Variants in CFAP92 observed in about 807,000 individuals in gnomAD.
CFAP92 encodes the protein cilia and flagella associated protein 92 (putative).
In CFAP92, 86 loss-of-function variants were observed where a neutral mutation model predicts 106.3. The ratio of observed to expected loss-of-function variants is 0.81; its 90% CI spans 0.68 to 0.97. CFAP92 has a LOEUF of 0.97. Among genes scored for constraint, CFAP92 ranks in the 50% least tolerant of loss-of-function variants. The pLI, the probability that CFAP92 is intolerant of heterozygous loss-of-function variation, is 0.00. For missense variants in CFAP92, 1,204 were observed against 1,283.8 expected (o/e 0.94, Z 0.95); for synonymous variants, 477 against 506.4 (o/e 0.94, Z 0.78).
chr3:128,920,847 T>G (rs1397724712), intron 12 of CFAP92, among the ~76,000 whole-genome samples: 1 of 152,224 alleles, frequency 6.6e-6, no homozygotes, highest in African/African-American at 2.4e-5. Context: ...GTTGGCTCCT[T>G]GCTTCTAGCA....
At chr3:128,976,946 C>T (rs766441695) in intron 6 of CFAP92, 33 bp downstream of exon 6, 1 of 1,573,130 alleles carries the variant, frequency 6.4e-7, no homozygotes, top group Non-Finnish European at 8.7e-7. Flanking sequence ...AGGGGCTCCA[C>T]TCCCACCACC....
At chr3:129,016,857 G>A in the CFAP92 span, among the ~76,000 whole-genome samples, 1 of 152,118 alleles carries the variant, frequency 6.6e-6, no homozygotes, top group Non-Finnish European at 1.5e-5. Flanking sequence ...TGCTGTGAGT[G>A]GTTTATCAGT....
chr3:129,015,941 T>C, the CFAP92 span, among the ~76,000 whole-genome samples: 1 of 152,242 alleles, frequency 6.6e-6, no homozygotes. Context: ...AGCGTGGCCG[T>C]GGCCTGATGG....
chr3:128,978,296 C>A, intron 4 of CFAP92, 111 bp from the exon 5 acceptor site: 1 of 1,074,906 alleles, frequency 9.3e-7, no homozygotes, highest in Non-Finnish European at 1.3e-6. Flanking sequence ...TCAGACTACA[C>A]TAAAGTAAAT....
chr3:129,019,012 G>A, the CFAP92 span, among the ~76,000 whole-genome samples: 1,565 of 152,256 alleles, frequency 0.01, 27 homozygotes, highest in African/African-American at 0.034. Flanking sequence ...CACCAAGTGC[G>A]TGTCCTCCCC....
chr3:128,915,608 A>G lies in CFAP92; in HGVS notation c.2917-45T>C, dbSNP rs997687906. 22 of 1,277,358 alleles carry G rather than the reference A, an allele frequency of 1.7e-5. No individual in the cohort carries two copies. The Admixed American group carries it at 5.3e-4, about 31-fold the overall frequency. 79.1% of individuals were successfully genotyped at this position (1,277,358 alleles called of 1,614,324 possible). The stretch of plus-strand genomic sequence containing the variant: ...GGTTGGGGTGGAAGGGCTAATAGCA[A>G]TCTTGGATTTATTTCCAAGTAGGAA... On this transcript the variant is annotated intron_variant, in intron 13 of 15. Transcript: ENST00000645291.
intron 8 of CFAP92, chr3:128,968,634 A>T (rs994397440): frequency 3.3e-5 from 5 of 152,270 alleles, no homozygotes; most frequent in African/African-American, 1.2e-4. Flanking sequence ...GATCCTTAAA[A>T]CAACGCTCTG....
rs1344866478 is a variant in CFAP92 at position 128,945,389 on chromosome 3, C to T, written c.1940G>A (p.Arg647Lys). Residue 647 changes from arginine to lysine, a missense_variant, in exon 10 of 16, where the codon AGA (arginine) becomes AAA (lysine). Arg to Lys is a conservative substitution (Grantham distance 26). Transcript: ENST00000645291. ...GCCCCCAAGGTCAGGATCAGCAGCT[C>T]TGGCCCCGGCCCTCAGTGGCACCGC... ...DIAVPLRAGA[R>K]AADPDLGGSQ... 5.2e-6 allele frequency: 8 copies of T among 1,536,026 alleles called. No homozygotes were observed. The highest frequency in any genetic ancestry group is 1.4e-5 in the African/African-American group (1 of 73,032).
At chr3:129,023,581 C>G in the CFAP92 span, among the ~76,000 whole-genome samples, 1 of 152,180 alleles carries the variant, frequency 6.6e-6, no homozygotes, top group African/African-American at 2.4e-5. Flanking sequence ...ATCCACCCGC[C>G]TCGGCCTCCC....
chr3:128,914,011 C>T (rs1432135251), intron 15 of CFAP92, among the ~76,000 whole-genome samples: 2 of 152,158 alleles, frequency 1.3e-5, no homozygotes, highest in Non-Finnish European at 2.9e-5. Context: ...GCAAGTTCTC[C>T]ATTCATCCAT....
At chr3:128,952,121 T>TTTC (rs200416763) in intron 9 of CFAP92, among the ~76,000 whole-genome samples, 2 of 149,498 alleles carry the variant, frequency 1.3e-5, no homozygotes, top group African/African-American at 2.4e-5. Flanking sequence ...TTTTCTTTCT[T>TTTC]TTCTTCTTCT....
intron 5 of CFAP92, among the ~76,000 whole-genome samples, chr3:128,977,618 G>T (rs992244958): frequency 6.6e-6 from 1 of 152,180 alleles, no homozygotes; most frequent in African/African-American, 2.4e-5. Context: ...TCAGCACTTT[G>T]GGGGCTGAGG....
chr3:128,994,579 C>A (rs973099068), upstream of CFAP92, among the ~76,000 whole-genome samples: 17 of 152,228 alleles, frequency 1.1e-4, no homozygotes, highest in Non-Finnish European at 2.1e-4. Context: ...CATGAGAATT[C>A]TTGTTAGTGA....
chr3:128,971,239 G>T (rs748511937), intron 8 of CFAP92, 48 bp downstream of exon 8: 3 of 1,612,772 alleles, frequency 1.9e-6, no homozygotes, highest in Admixed American at 1.7e-5. Context: ...GGCCGTTCTG[G>T]CCACAAGACA....
chr3:128,999,126 C>A (rs138474216), intron 1 of CFAP92, among the ~76,000 whole-genome samples: 1,810 of 152,282 alleles, frequency 0.012, 42 homozygotes, highest in Non-Finnish European at 0.012. Flanking sequence ...AAAATCATTT[C>A]TTTGCCACAG....
chr3:128,982,144 T>A (rs1943575533), intron 4 of CFAP92, among the ~76,000 whole-genome samples: 1 of 152,240 alleles, frequency 6.6e-6, no homozygotes, highest in Non-Finnish European at 1.5e-5. Context: ...GGCAGCTTCT[T>A]CCAGTAGAAG....
intron 9 of CFAP92, among the ~76,000 whole-genome samples, chr3:128,953,291 A>G (rs1236017575): frequency 1.1e-4 from 16 of 151,162 alleles, no homozygotes; most frequent in Admixed American, 1.0e-3. Flanking sequence ...TGAGGTGGGT[A>G]GATCACGAGG....
rs969851593 is a variant in CFAP92, at chr3:128,935,320, C to G, written c.2259-1G>C. On this transcript the variant is annotated splice_acceptor_variant, in intron 10 of 15. Transcript: ENST00000645291. LOFTEE classifies it high-confidence loss of function. Reference sequence around the variant, plus strand: ...TTTCCTGTGTTCTGACCTGGGAATCCTGCAAGAGACAGAAGGCCAAGAGCT... The same window carrying G: ...TTTCCTGTGTTCTGACCTGGGAATCGTGCAAGAGACAGAAGGCCAAGAGCT... The G allele has an allele frequency of 2.7e-6, 4 of 1,494,764 alleles. No homozygotes were observed. The Admixed American group carries it at 6.3e-5, about 24-fold the overall frequency. The allele number at this position is 1,494,764 out of a possible 1,614,324, so 92.6% of individuals were successfully genotyped here.
Position 128,916,138 on chromosome 3 carries a change from G to A in CFAP92, c.2885C>T (p.Ala962Val). 8.1e-7 allele frequency: 1 copy of A among 1,232,132 alleles called. No individual in the cohort carries two copies. Among genetic ancestry groups the A allele is most frequent in the Non-Finnish European group, 1.0e-6 (1 of 988,008 alleles). The allele number at this position is 1,232,132 out of a possible 1,614,324, so 76.3% of individuals were successfully genotyped here. The change falls in exon 13 of 16, where the codon GCC (alanine) becomes GTC (valine). Residue 962 changes from alanine to valine, a missense_variant. Physicochemically the swap from Ala to Val is moderately conservative, Grantham distance 64. Transcript: ENST00000645291. ...TATCTCTTGATACAGCTCCTTCTTG[G>A]CAAGCTCTGTAGAATTCATGGTCTG... ...STQTMNSTEL[A>V]KKELYQEIAK... is the part of the protein sequence containing the mutation.
Sources: gnomAD v4.1 joint callset for allele counts (sites outside exome capture counted in the v4.1 genomes callset) on GRCh38, gnomAD v4.1.1 for gene constraint, MANE v1.5 for transcripts, NCBI Gene and HGNC (gene_info 2026-07-23, HGNC 2026-07-21) for gene names.